TERF1: variants seen among roughly 807,000 people sequenced by gnomAD.
The protein encoded by TERF1 is telomeric repeat-binding factor 1.
A neutral mutation model predicts 55.1 loss-of-function variants in TERF1; 20 were observed. The observed-to-expected ratio is 0.36, with a 90% CI of 0.26 to 0.53. The LOEUF is 0.53. TERF1 is among the 20% of genes least tolerant of loss of function. The pLI, the probability that TERF1 is intolerant of heterozygous loss-of-function variation, is 0.91. For synonymous variants in TERF1, 168 were observed against 181.2 expected (o/e 0.93, Z 0.59); for missense variants, 439 against 535.7 (o/e 0.82, Z 1.78).
chr8:73,030,263 C>A, intron 6 of TERF1, 73 bp from the exon 7 acceptor site: 1 of 924,598 alleles, frequency 1.1e-6, no homozygotes, highest in Non-Finnish European at 1.6e-6. Flanking sequence ...TATGCCTTGA[C>A]TATGTGGAAA....
At chr8:73,039,775 GT>G (rs1563473986) in intron 9 of TERF1, among the ~76,000 whole-genome samples, 1 of 88,162 alleles carries the variant, frequency 1.1e-5, no homozygotes, top group East Asian at 3.0e-4. Context: ...TTTGTGGTGT[GT>G]GTGTGTGTGT....
chr8:73,044,830 G>T (rs528883246), intron 9 of TERF1, among the ~76,000 whole-genome samples: 2 of 151,942 alleles, frequency 1.3e-5, no homozygotes, highest in Non-Finnish European at 2.9e-5. Context: ...ATGTCCTCAA[G>T]GTTTATCCAT....
chr8:73,022,441 C>T (rs1178480620), intron 4 of TERF1, 139 bp downstream of exon 4: 3 of 469,922 alleles, frequency 6.4e-6, no homozygotes, highest in Non-Finnish European at 7.2e-6. Flanking sequence ...AAAAACTACG[C>T]AAGTCACATA....
chr8:73,021,114 T>C (rs1461242302), intron 3 of TERF1, among the ~76,000 whole-genome samples: 1 of 152,188 alleles, frequency 6.6e-6, no homozygotes, highest in Admixed American at 6.5e-5. Context: ...TTTAGATTTT[T>C]GTAATCAAGA....
At chr8:73,020,244 G>A (rs1468017046) in intron 2 of TERF1, among the ~76,000 whole-genome samples, 2 of 152,052 alleles carry the variant, frequency 1.3e-5, no homozygotes, top group Admixed American at 1.3e-4. Flanking sequence ...AACTCTTTTA[G>A]GAAAGCTTAA....
intron 3 of TERF1, 141 bp downstream of exon 3, chr8:73,020,946 T>A: frequency 1.6e-6 from 1 of 616,320 alleles, no homozygotes; most frequent in South Asian, 2.4e-5. Flanking sequence ...TGGTTTATAG[T>A]CTTAACATGA....
chr8:73,026,116 T>C (rs1282305962), intron 5 of TERF1, among the ~76,000 whole-genome samples: 1 of 142,986 alleles, frequency 7.0e-6, no homozygotes, highest in Admixed American at 7.1e-5. Flanking sequence ...GAAGGATTGC[T>C]TGAACCCAGG....
chr8:73,045,108 T>C (rs1457900362), intron 9 of TERF1, among the ~76,000 whole-genome samples: 3 of 152,166 alleles, frequency 2.0e-5, no homozygotes, highest in Non-Finnish European at 4.4e-5. Flanking sequence ...GTCATACTGT[T>C]TTCCATAGTG....
chr8:73,025,921 G>A (rs185593108), intron 5 of TERF1, among the ~76,000 whole-genome samples: 13 of 150,596 alleles, frequency 8.6e-5, no homozygotes, highest in Admixed American at 7.3e-4. Flanking sequence ...CTGGTCAGGC[G>A]CAGTGGCTCA....
At chr8:73,036,371 A>ACTAC (rs988311265) in intron 8 of TERF1, among the ~76,000 whole-genome samples, 22 of 152,302 alleles carry the variant, frequency 1.4e-4, no homozygotes, top group Middle Eastern at 3.4e-3. Flanking sequence ...CCAATAGTGG[A>ACTAC]CTACCTGTCT....
At chr8:73,011,950 A>T (rs929015049) in intron 1 of TERF1, 2 of 152,178 alleles carry the variant, frequency 1.3e-5, no homozygotes, top group African/African-American at 4.8e-5. Flanking sequence ...TGTATTAACA[A>T]CTTGGCTGTT....
Position 73,027,627 on chromosome 8 carries a change from A to G in TERF1, c.887+575A>G, listed in dbSNP as rs150715671. Among the ~76,000 whole-genome samples the G allele has an allele frequency of 1.5e-3, 230 of 152,252 alleles. 2 individuals carry two copies. The highest frequency in any genetic ancestry group is 5.3e-3 in the African/African-American group (219 of 41,554). The stretch of plus-strand genomic sequence containing the variant: ...TTTAGAAGCTTAAGTATCTTCCCCT[A>G]TTGAGAAAGATATAACTCTTAACAT... On this transcript the variant is annotated intron_variant, in intron 6 of 9. Transcript: ENST00000276603.
intron 8 of TERF1, among the ~76,000 whole-genome samples, chr8:73,037,906 A>G (rs1196290267): frequency 8.0e-6 from 1 of 124,630 alleles, no homozygotes; most frequent in East Asian, 2.1e-4. Context: ...ATATATAAAT[A>G]TGATATAATA....
chr8:73,029,867 A>G (rs1182299644), intron 6 of TERF1: 2 of 152,394 alleles, frequency 1.3e-5, no homozygotes, highest in African/African-American at 2.4e-5. Context: ...TGCTGTGTGT[A>G]TGTGGAAACC....
At chr8:73,015,197 A>G (rs928328704) in intron 2 of TERF1, among the ~76,000 whole-genome samples, 4 of 152,078 alleles carry the variant, frequency 2.6e-5, no homozygotes, top group Non-Finnish European at 5.9e-5. Flanking sequence ...TATATCCTAG[A>G]TATAATAGGC....
At chr8:73,036,935 A>G (rs1809537231) in intron 8 of TERF1, among the ~76,000 whole-genome samples, 1 of 142,268 alleles carries the variant, frequency 7.0e-6, no homozygotes, top group South Asian at 2.1e-4. Flanking sequence ...GTTTAATTCT[A>G]TTTCAGTCTG....
intron 8 of TERF1, among the ~76,000 whole-genome samples, chr8:73,035,539 C>A (rs1367709879): frequency 6.6e-6 from 1 of 151,670 alleles, no homozygotes; most frequent in African/African-American, 2.4e-5. Context: ...TTTAAAATGT[C>A]AATTAGGTCA....
chr8:73,030,650 TA>T, intron 7 of TERF1: 1 of 316,606 alleles, frequency 3.2e-6, no homozygotes, highest in Non-Finnish European at 5.7e-6. Context: ...TTCTTGAGCT[TA>T]AAACAGATGT....
chr8:73,013,773 G>A (rs1006603232), intron 1 of TERF1, 122 bp from the exon 2 acceptor site: 10 of 605,038 alleles, frequency 1.7e-5, no homozygotes, highest in African/African-American at 1.3e-4. Flanking sequence ...GATCTTAAAT[G>A]TACAACTCTA....
Sources: allele counts gnomAD v4.1 joint callset (sites outside exome capture counted in the v4.1 genomes callset), GRCh38; gene constraint gnomAD v4.1.1; transcripts MANE v1.5; gene names NCBI Gene and HGNC (gene_info 2026-07-23, HGNC 2026-07-21).